BCL11B: variants seen among roughly 807,000 people sequenced by gnomAD.
The protein encoded by BCL11B is B-cell lymphoma/leukemia 11B.
Under a neutral mutation model 49.9 loss-of-function variants are expected in BCL11B, and 8 were observed. That is an observed-to-expected ratio of 0.16 (90% CI 0.09 to 0.29). The LOEUF is 0.29. Ranked by LOEUF, BCL11B falls within the 10% of genes least tolerant of loss-of-function variation. The pLI is 1.00. For missense variants in BCL11B, 1,006 were observed against 1,351.0 expected (o/e 0.74, Z 4.00); for synonymous variants, 739 against 637.4 (o/e 1.16, Z -2.40).
At chr14:99,239,848 T>C (rs1214918293) in intron 2 of BCL11B, among the ~76,000 whole-genome samples, 2 of 152,132 alleles carry the variant, frequency 1.3e-5, no homozygotes, top group Non-Finnish European at 2.9e-5. Flanking sequence ...TGCAATGGAA[T>C]AAACAGAAGG....
rs1209219571 is a variant in BCL11B, at chr14:99,257,980, TC to T, written c.59-142del. On this transcript the variant is annotated intron_variant, in intron 1 of 3. Coordinates refer to ENST00000357195, the MANE Select transcript of BCL11B (RefSeq NM_138576.4). The surrounding 1 kb of genome is among the most constrained non-coding windows in gnomAD (Gnocchi z 6.2). ...CTGGCTGCCAGAGCTCACCAGGTCC[TC>T]CCCGGGGTTGGGGGCTGGTGAGCAT... The T allele has an allele frequency of 2.8e-6, 3 of 1,083,278 alleles. No homozygotes were observed. Among genetic ancestry groups the T allele is most frequent in the African/African-American group, 3.2e-5 (2 of 62,930 alleles). The allele number at this position is 1,083,278 out of a possible 1,614,324, so 67.1% of individuals were successfully genotyped here. A position where few individuals can be genotyped will look rare whatever the true frequency, so the allele number is the denominator to read the frequency against.
intron 3 of BCL11B, among the ~76,000 whole-genome samples, chr14:99,217,178 A>G (rs1317744495): frequency 2.6e-5 from 4 of 152,208 alleles, no homozygotes; most frequent in Non-Finnish European, 5.9e-5. Context: ...ATATGTATAT[A>G]TACCCTCACA....
chr14:99,240,643 T>C (rs906214105), intron 2 of BCL11B, among the ~76,000 whole-genome samples: 1 of 152,226 alleles, frequency 6.6e-6, no homozygotes, highest in Non-Finnish European at 1.5e-5. Flanking sequence ...ATCACAAATT[T>C]TCTTCTAAGG....
rs1043304303 is a variant in BCL11B, at chr14:99,177,471, A to G, written c.641-1276T>C. ...TGGGGGTGAAGCTCGCCGCTTTTCC[A>G]GTATGTACCTCTCCTAATGCTCTGC... On this transcript the variant is annotated intron_variant, in intron 3 of 3. Coordinates refer to ENST00000357195, the MANE Select transcript of BCL11B (RefSeq NM_138576.4). Among the ~76,000 whole-genome samples the G allele has an allele frequency of 1.1e-4, 17 of 151,376 alleles. 1 individual carries two copies. The highest frequency in any genetic ancestry group is 1.1e-3 in the Admixed American group (16 of 15,196).
intron 3 of BCL11B, among the ~76,000 whole-genome samples, chr14:99,215,961 G>A (rs1271837995): frequency 6.6e-6 from 1 of 152,160 alleles, no homozygotes; most frequent in Non-Finnish European, 1.5e-5. Context: ...GCAGTGCCGG[G>A]AACAGAGGAA....
In BCL11B at chr14:99,171,631, C is replaced by A; in HGVS notation, c.*2520G>T. The A allele has an allele frequency of 4.8e-6, 1 of 208,658 alleles. No individual in the cohort carries two copies. The highest frequency in any genetic ancestry group is 9.7e-6 in the Non-Finnish European group (1 of 102,698). 12.9% of individuals were successfully genotyped at this position (208,658 alleles called of 1,614,324 possible). On this transcript the variant is annotated 3_prime_UTR_variant, in exon 4 of 4. Transcript: ENST00000357195. ...TGTGATTTTTTTTTTTTCTGCAAAG[C>A]AATAACAATATTAAGCACTTTTTTT...
At position 99,174,784 on chromosome 14, in the gene BCL11B, G is replaced by A. The variant is rs1305836957; in HGVS notation, c.2052C>T (p.Ala684=). The part of the protein sequence containing the change: ...APLPSPGLNS[A]AKRIKVEKDL... Reference sequence around the variant, plus strand: ...CCTTCTCCACCTTGATGCGCTTGGCGGCGCTGTTGAGCCCGGGGCTGGGCA... The same window carrying A: ...CCTTCTCCACCTTGATGCGCTTGGCAGCGCTGTTGAGCCCGGGGCTGGGCA... The change falls in exon 4 of 4, where the codon GCC becomes GCT. Residue 684 remains alanine (A), a synonymous_variant. Transcript: ENST00000357195. The A allele has an allele frequency of 6.9e-7, 1 of 1,459,416 alleles. No homozygotes were observed. 90.4% of individuals were successfully genotyped at this position (1,459,416 alleles called of 1,614,324 possible). A position where few individuals can be genotyped will look rare whatever the true frequency, so the allele number is the denominator to read the frequency against.
chr14:99,202,876 G>A (rs573221677), intron 3 of BCL11B, among the ~76,000 whole-genome samples: 48 of 152,324 alleles, frequency 3.2e-4, no homozygotes, highest in Admixed American at 8.5e-4. Flanking sequence ...TCTGGTCTCT[G>A]GTCAGGAAGG....
At position 99,231,604 on chromosome 14, in the gene BCL11B, G is replaced by T; in HGVS notation, c.428-47C>A. The T allele has an allele frequency of 6.6e-7, 1 of 1,524,324 alleles. No homozygotes were observed. The highest frequency in any genetic ancestry group is 8.9e-7 in the Non-Finnish European group (1 of 1,126,502). The allele number at this position is 1,524,324 out of a possible 1,614,324, so 94.4% of individuals were successfully genotyped here. On this transcript the variant is annotated intron_variant, in intron 2 of 3. Coordinates refer to ENST00000357195, the MANE Select transcript of BCL11B (RefSeq NM_138576.4). The surrounding 1 kb of genome is among the most constrained non-coding windows in gnomAD (Gnocchi z 8.1). ...AGACTGGTCAGTCGGGCCCTGGACT[G>T]TGTGAGGGGCACGGGGTGGGACGGG...
chr14:99,201,131 G>T (rs776231493), intron 3 of BCL11B, among the ~76,000 whole-genome samples: 8 of 152,188 alleles, frequency 5.3e-5, no homozygotes, highest in Non-Finnish European at 1.2e-4. Flanking sequence ...TTCTCCGAGG[G>T]AAGTGGGCAG....
chr14:99,204,211 C>T (rs1887468798), intron 3 of BCL11B, among the ~76,000 whole-genome samples: 1 of 152,206 alleles, frequency 6.6e-6, no homozygotes, highest in Non-Finnish European at 1.5e-5. Context: ...GGGCAGGTTG[C>T]TGCAGACAGG....
chr14:99,199,169 C>G (rs112668533), intron 3 of BCL11B, among the ~76,000 whole-genome samples: 1 of 152,114 alleles, frequency 6.6e-6, no homozygotes, highest in East Asian at 1.9e-4. Context: ...TGGTAATTAC[C>G]GTGACCAGCC....
intron 3 of BCL11B, among the ~76,000 whole-genome samples, chr14:99,199,696 G>GCGCGCGCGCA (rs1555378702): frequency 3.9e-5 from 3 of 77,892 alleles, no homozygotes; most frequent in African/African-American, 1.2e-4. Flanking sequence ...GCGCGCGCGC[G>GCGCGCGCGCA]CACGTGCACG....
chr14:99,174,767 A>C lies in BCL11B; in HGVS notation c.2069T>G (p.Val690Gly). The C allele has an allele frequency of 6.7e-7, 1 of 1,483,502 alleles. No homozygotes were observed. The highest frequency in any genetic ancestry group is 9.0e-7 in the Non-Finnish European group (1 of 1,117,152). The allele number at this position is 1,483,502 out of a possible 1,614,324, so 91.9% of individuals were successfully genotyped here. A position where few individuals can be genotyped will look rare whatever the true frequency, so the allele number is the denominator to read the frequency against. Residue 690 changes from valine (V) to glycine (G), a missense_variant, in exon 4 of 4, where the codon GTG (valine) becomes GGG (glycine). Physicochemically the swap from Val to Gly is moderately radical, Grantham distance 109. Around this residue, in one of 6 missense-constraint regions of BCL11B, gnomAD observed 443 missense variants for 499.7 expected, o/e 0.89. Coordinates refer to ENST00000357195, the MANE Select transcript of BCL11B (RefSeq NM_138576.4). ...GLNSAAKRIK[V>G]EKDLELPPAA... is the part of the protein sequence containing the mutation. Reference sequence around the variant, plus strand: ...GGGCGGCAGCTCCAGGTCCTTCTCCACCTTGATGCGCTTGGCGGCGCTGTT... The same window carrying C: ...GGGCGGCAGCTCCAGGTCCTTCTCCCCCTTGATGCGCTTGGCGGCGCTGTT...
In BCL11B at chr14:99,175,183, C is replaced by T; in HGVS notation, c.1653G>A (p.Arg551=). 1.3e-6 allele frequency: 2 copies of T among 1,573,074 alleles called. No individual in the cohort carries two copies. The highest frequency in any genetic ancestry group is 1.7e-6 in the Non-Finnish European group (2 of 1,161,604). The stretch of plus-strand genomic sequence containing the variant: ...AGTCCATGCTGAAGCTCGACTCGGG[C>T]CGGCTCTCGTTCTCCAGTAGCAGCT... ...EEELLLENES[R]PESSFSMDSE... The change falls in exon 4 of 4, where the codon CGG becomes CGA. Residue 551 remains arginine, a synonymous_variant. Coordinates refer to ENST00000357195, the MANE Select transcript of BCL11B (RefSeq NM_138576.4).
At chr14:99,218,906 G>T (rs1169157733) in intron 3 of BCL11B, among the ~76,000 whole-genome samples, 1 of 152,220 alleles carries the variant, frequency 6.6e-6, no homozygotes, top group Non-Finnish European at 1.5e-5. Flanking sequence ...GTTCAGAAGA[G>T]AAGTCAAACC....
chr14:99,199,688 G>GCA (rs1555378693), intron 3 of BCL11B, among the ~76,000 whole-genome samples: 1 of 63,804 alleles, frequency 1.6e-5, no homozygotes, highest in African/African-American at 4.0e-5. Flanking sequence ...GTGTGTGCGC[G>GCA]CGCGCGCGCA....
At chr14:99,218,128 C>T (rs1326565374) in intron 3 of BCL11B, among the ~76,000 whole-genome samples, 18 of 144,898 alleles carry the variant, frequency 1.2e-4, no homozygotes, top group African/African-American at 3.4e-4. Context: ...TGCAGTGGCG[C>T]GATCTCAGCT....
At chr14:99,201,031 C>A (rs949106878) in intron 3 of BCL11B, among the ~76,000 whole-genome samples, 1 of 152,172 alleles carries the variant, frequency 6.6e-6, no homozygotes, top group Non-Finnish European at 1.5e-5. Flanking sequence ...GCCAGGGCAC[C>A]AAGGCAGGTC....
Sources: gnomAD v4.1 joint callset for allele counts (sites outside exome capture counted in the v4.1 genomes callset) on GRCh38, gnomAD v4.1.1 for gene constraint, gnomAD v4.1.1 regional missense constraint, Gnocchi (gnomAD v3.1) non-coding constraint, MANE v1.5 for transcripts, NCBI Gene and HGNC (gene_info 2026-07-23, HGNC 2026-07-21) for gene names.